Variants in DOCK1 observed in about 807,000 individuals in gnomAD.
DOCK1 encodes dedicator of cytokinesis protein 1.
DOCK1 carries 138 observed loss-of-function variants against 262.7 expected under a neutral mutation model. That is an observed-to-expected ratio of 0.53 (90% CI 0.46 to 0.61). The LOEUF is 0.61. Ranked by LOEUF, DOCK1 falls within the 20% of genes least tolerant of loss-of-function variation. The pLI is 0.00. For missense variants in DOCK1, 1,908 were observed against 2,370.7 expected (o/e 0.80, Z 4.05); for synonymous variants, 866 against 867.4 (o/e 1.00, Z 0.03).
intron 25 of DOCK1, among the ~76,000 whole-genome samples, chr10:127,111,709 G>T (rs936156692): frequency 6.6e-6 from 1 of 152,092 alleles, no homozygotes; most frequent in African/African-American, 2.4e-5. Flanking sequence ...GTCTTATTAG[G>T]TGGGTTACTG....
chr10:127,208,657 G>A (rs1250221680), intron 27 of DOCK1, among the ~76,000 whole-genome samples: 1 of 152,002 alleles, frequency 6.6e-6, no homozygotes, highest in Non-Finnish European at 1.5e-5. Flanking sequence ...AAGATTTCAA[G>A]ACCCCGTTTC....
At position 127,404,411 on chromosome 10, in the gene DOCK1, G is replaced by A; in HGVS notation, c.4104G>A (p.Gly1368=). The A allele has an allele frequency of 6.2e-7, 1 of 1,613,692 alleles. No homozygotes were observed. The change falls in exon 40 of 52, where the codon GGG becomes GGA. Residue 1368 remains glycine (G), a synonymous_variant. Transcript: ENST00000623213. ...TTGCTGTTGGCTACTACGGACAAGG[G>A]TTCCCCACATTCCTGCGGGTAAAGT... ...DYFAVGYYGQ[G]FPTFLRGKVF...
chr10:127,097,022 T>C (rs1201328414), intron 23 of DOCK1, among the ~76,000 whole-genome samples: 2 of 152,244 alleles, frequency 1.3e-5, no homozygotes, highest in South Asian at 4.2e-4. Context: ...GGAGAATTGC[T>C]TGAACCTGGG....
chr10:126,950,196 A>G (rs1316086622), intron 1 of DOCK1, among the ~76,000 whole-genome samples: 2 of 152,104 alleles, frequency 1.3e-5, no homozygotes, highest in African/African-American at 4.8e-5. Flanking sequence ...AATAGCTCTC[A>G]TTACAGCTTT....
intron 1 of DOCK1, among the ~76,000 whole-genome samples, chr10:126,926,510 T>C (rs2033736468): frequency 6.6e-6 from 1 of 152,204 alleles, no homozygotes; most frequent in African/African-American, 2.4e-5. Context: ...TAATAAACAT[T>C]CTATGCCAGA....
rs1033617344 is a variant in DOCK1 at position 127,446,228 on chromosome 10, C to T, written c.5414-1166C>T. 2.7e-5 allele frequency among the ~76,000 whole-genome samples: 4 copies of T among 149,506 alleles called. No individual in the cohort carries two copies. The highest frequency in any genetic ancestry group is 5.9e-5 in the Non-Finnish European group (4 of 67,666). ...TCGCACCACTGCACTCCAGCCTGGG[C>T]GACACAGCGAGACTCCATCCCAAAC... On this transcript the variant is annotated intron_variant, in intron 50 of 51. Transcript: ENST00000623213. This position sits in a 1 kb window ranked among gnomAD's most constrained non-coding sequence, Gnocchi z 4.4.
At chr10:127,367,244 A>G (rs1258794034) in intron 33 of DOCK1, among the ~76,000 whole-genome samples, 1 of 152,160 alleles carries the variant, frequency 6.6e-6, no homozygotes, top group Non-Finnish European at 1.5e-5. Context: ...TTTCATTAGA[A>G]CGTTCTTTCC....
At chr10:126,938,343 C>T (rs1490930997) in intron 1 of DOCK1, among the ~76,000 whole-genome samples, 2 of 152,204 alleles carry the variant, frequency 1.3e-5, no homozygotes, top group African/African-American at 2.4e-5. Context: ...CCACTGCGCC[C>T]GGCCTGGCTT....
intron 29 of DOCK1, among the ~76,000 whole-genome samples, chr10:127,307,761 G>A (rs2061928931): frequency 6.6e-6 from 1 of 152,224 alleles, no homozygotes; most frequent in Non-Finnish European, 1.5e-5. Flanking sequence ...CACCATCTCA[G>A]GGACATCCTG....
chr10:127,252,865 T>C (rs1042461781), intron 28 of DOCK1, among the ~76,000 whole-genome samples: 18 of 152,190 alleles, frequency 1.2e-4, no homozygotes, highest in Admixed American at 3.9e-4. Flanking sequence ...GATTTGGCGA[T>C]GCGGGCTCTT....
Position 126,997,850 on chromosome 10 carries a change from C to T in DOCK1, c.610-242C>T, listed in dbSNP as rs1030249982. 1.6e-5 allele frequency: 8 copies of T among 491,520 alleles called. No homozygotes were observed. The South Asian group carries it at 2.5e-4, about 15-fold the overall frequency. 30.4% of individuals were successfully genotyped at this position (491,520 alleles called of 1,614,324 possible). ...ATTATTTTGATTTATTGGATGGACA[C>T]CTGAAAGTTTTGTATCTCTGAAAAT... On this transcript the variant is annotated intron_variant, in intron 7 of 51. Transcript: ENST00000623213.
At chr10:127,093,499 C>A (rs1258925055) in intron 23 of DOCK1, among the ~76,000 whole-genome samples, 1 of 151,576 alleles carries the variant, frequency 6.6e-6, no homozygotes, top group Admixed American at 6.6e-5. Context: ...ATCACAGACG[C>A]GTGCCATTGC....
chr10:127,000,894 T>C (rs1479735372), intron 10 of DOCK1: 3 of 157,884 alleles, frequency 1.9e-5, no homozygotes, highest in African/African-American at 7.2e-5. Context: ...ATCTGCCATG[T>C]TGGTGCTCTT....
intron 21 of DOCK1, among the ~76,000 whole-genome samples, chr10:127,043,485 G>A (rs1456850683): frequency 6.6e-6 from 1 of 152,194 alleles, no homozygotes; most frequent in African/African-American, 2.4e-5. Context: ...GCTTCCTCGC[G>A]AGCCTTTGAT....
At chr10:127,052,554 A>G in intron 21 of DOCK1, 127 bp from the exon 22 acceptor site, 2 of 1,340,894 alleles carry the variant, frequency 1.5e-6, no homozygotes. Flanking sequence ...AAAACGTTTT[A>G]CAGATATTCA....
intron 20 of DOCK1, 79 bp downstream of exon 20, chr10:127,042,793 G>A (rs2044106352): frequency 2.1e-6 from 3 of 1,456,624 alleles, no homozygotes; most frequent in East Asian, 4.6e-5. Flanking sequence ...GGAGTCGGGG[G>A]CTTCGTCACA....
chr10:127,257,537 C>A, intron 29 of DOCK1, 108 bp downstream of exon 29: 2 of 969,808 alleles, frequency 2.1e-6, no homozygotes, highest in South Asian at 1.5e-5. Flanking sequence ...AAATGCTCTG[C>A]AAACGCTGTT....
intron 10 of DOCK1, among the ~76,000 whole-genome samples, chr10:127,005,350 G>C (rs1190063925): frequency 6.6e-6 from 1 of 151,980 alleles, no homozygotes; most frequent in Non-Finnish European, 1.5e-5. Context: ...AAAAGGGATA[G>C]AAGGGATGCT....
chr10:127,178,692 C>T (rs771200806), intron 27 of DOCK1, among the ~76,000 whole-genome samples: 2 of 152,108 alleles, frequency 1.3e-5, no homozygotes, highest in Non-Finnish European at 2.9e-5. Context: ...CAATTTGAAA[C>T]TTGAAAAACT....
Sources: gnomAD v4.1 joint callset for allele counts (sites outside exome capture counted in the v4.1 genomes callset) on GRCh38, gnomAD v4.1.1 for gene constraint, Gnocchi (gnomAD v3.1) non-coding constraint, MANE v1.5 for transcripts, NCBI Gene and HGNC (gene_info 2026-07-23, HGNC 2026-07-21) for gene names.